Variants in DHX36 observed in about 807,000 individuals in gnomAD.
DHX36 encodes the protein DEAH-box helicase 36.
In DHX36, 50 loss-of-function variants were observed where a neutral mutation model predicts 139.0. The observed-to-expected ratio is 0.36, with a 90% CI of 0.29 to 0.46. DHX36 has a LOEUF of 0.46. DHX36 is among the 20% of genes least tolerant of loss of function. DHX36 has a pLI of 1.00. For missense variants in DHX36, 1,024 were observed against 1,211.3 expected, an observed-to-expected ratio of 0.85 and a Z score of 2.29; for synonymous variants, 425 against 401.9, an observed-to-expected ratio of 1.06 and a Z score of -0.69.
In DHX36 at chr3:154,300,574, GA is replaced by G. The variant is rs1712227871; in HGVS notation, c.1461+19del. The G allele has an allele frequency of 6.3e-7, 1 of 1,582,920 alleles. No homozygotes were observed. Among genetic ancestry groups the G allele is most frequent in the Non-Finnish European group, 8.6e-7 (1 of 1,156,088 alleles). On this transcript the variant is annotated intron_variant, in intron 11 of 24. Coordinates refer to ENST00000496811, the MANE Select transcript of DHX36 (RefSeq NM_020865.3). Reference sequence around the variant, plus strand: ...TAAAATTAAAATTATGTTAACTGAAGAAAGAAAAATAAAACTAACCTCTTCT... The same window carrying G: ...TAAAATTAAAATTATGTTAACTGAAGAAGAAAAATAAAACTAACCTCTTCT...
chr3:154,301,757 T>C (rs1249482767), intron 9 of DHX36, among the ~76,000 whole-genome samples: 1 of 152,178 alleles, frequency 6.6e-6, no homozygotes, highest in Non-Finnish European at 1.5e-5. Context: ...TAGTGATTGC[T>C]AAAACCATAG....
intron 4 of DHX36, among the ~76,000 whole-genome samples, chr3:154,311,234 G>C (rs1481046431): frequency 2.0e-5 from 3 of 152,084 alleles, no homozygotes; most frequent in Admixed American, 1.3e-4. Context: ...GTAATCATAT[G>C]TTAAGATATA....
At chr3:154,304,784 A>C (rs369601722) in intron 8 of DHX36, 22 bp downstream of exon 8, 60 of 1,493,888 alleles carry the variant, frequency 4.0e-5, no homozygotes, top group Non-Finnish European at 5.1e-5. Flanking sequence ...TTTCTAATGT[A>C]ATAACTATAC....
chr3:154,305,616 A>T (rs1417379384), intron 6 of DHX36, among the ~76,000 whole-genome samples: 1 of 152,098 alleles, frequency 6.6e-6, no homozygotes, highest in East Asian at 1.9e-4. Context: ...AAAGTAAAAA[A>T]ATTAGCCAGT....
chr3:154,300,288 G>A (rs988394299), intron 11 of DHX36, among the ~76,000 whole-genome samples: 7 of 152,060 alleles, frequency 4.6e-5, no homozygotes, highest in South Asian at 2.1e-4. Context: ...GGCTGGTCTC[G>A]AACTCCTGGC....
chr3:154,278,179 T>C (rs1719216786), intron 22 of DHX36, among the ~76,000 whole-genome samples: 1 of 152,118 alleles, frequency 6.6e-6, no homozygotes, highest in Admixed American at 6.6e-5. Context: ...ACTGTAAAAT[T>C]ATCAACTTAA....
In DHX36 at chr3:154,286,873, T is replaced by A. The variant is rs1047461182; in HGVS notation, c.2032-1886A>T. Among the ~76,000 whole-genome samples, 6 of 152,180 alleles carry A rather than the reference T, an allele frequency of 3.9e-5. No individual in the cohort carries two copies. The East Asian group carries it at 1.2e-3, about 29-fold the overall frequency. ...TTCTGTCATCTGGGTTGGAGTGCAGTGGTGCAAGCACAGCTCACTGTGTCC... is the reference window on the plus strand; with the variant it reads ...TTCTGTCATCTGGGTTGGAGTGCAGAGGTGCAAGCACAGCTCACTGTGTCC... On this transcript the variant is annotated intron_variant, in intron 17 of 24. Transcript: ENST00000496811.
At chr3:154,311,918 A>C (rs1712777113) in intron 3 of DHX36, 1 of 386,356 alleles carries the variant, frequency 2.6e-6, no homozygotes. Flanking sequence ...TGGCAGTAAA[A>C]TGAAATCGGA....
At chr3:154,301,728 T>C (rs1040846391) in intron 9 of DHX36, among the ~76,000 whole-genome samples, 7 of 152,214 alleles carry the variant, frequency 4.6e-5, no homozygotes, top group African/African-American at 1.7e-4. Flanking sequence ...TGCTGTACTA[T>C]GATTCTACTA....
At chr3:154,276,709 T>C (rs1559942592) in intron 24 of DHX36, 38 bp downstream of exon 24, 8 of 1,600,106 alleles carry the variant, frequency 5.0e-6, no homozygotes, top group Non-Finnish European at 6.8e-6. Flanking sequence ...CATGCTGACT[T>C]ACATGTAGAT....
Position 154,305,149 on chromosome 3 carries a change from C to G in DHX36, c.913G>C (p.Gly305Arg). 1 of 1,612,668 alleles carries G rather than the reference C, an allele frequency of 6.2e-7. No homozygotes were observed. The highest frequency in any genetic ancestry group is 1.1e-5 in the South Asian group (1 of 90,634). The change falls in exon 7 of 25, where the codon GGT becomes CGT. Residue 305 changes from glycine to arginine, a missense_variant. Transcript: ENST00000496811. Reference protein sequence around the residue: ...RLQSRLPRKQGSILYCTTGII... With the variant: ...RLQSRLPRKQRSILYCTTGII... ...CCTGTTGTACAGTATAAGATAGAAC[C>G]CTGTTTCCTTGGCAACCGACTGTGA...
rs184275693 is a variant in DHX36 at position 154,292,604 on chromosome 3, G to A, written c.1761C>T (p.Ser587=). The part of the protein sequence containing the change: ...FDTQNNISTM[S]AEWVSKANAK... ...CATTAGCTTTACTAACCCACTCAGC[G>A]GACATTGTACTGATATTGTTCTGAG... Residue 587 remains serine (S), a synonymous_variant, in exon 15 of 25, where the codon TCC becomes TCT. Coordinates refer to ENST00000496811, the MANE Select transcript of DHX36 (RefSeq NM_020865.3). 1.9e-5 allele frequency: 31 copies of A among 1,613,878 alleles called. No individual in the cohort carries two copies. Among genetic ancestry groups the A allele is most frequent in the South Asian group, 1.1e-4 (10 of 91,052 alleles).
chr3:154,278,513 G>A (rs1458108220), intron 22 of DHX36: 2 of 133,848 alleles, frequency 1.5e-5, no homozygotes, highest in African/African-American at 5.8e-5. Flanking sequence ...GTCTTGCTCT[G>A]TCACCCAGAC....
intron 13 of DHX36, among the ~76,000 whole-genome samples, 195 bp from the exon 14 acceptor site, chr3:154,294,007 A>C (rs1187512438): frequency 6.6e-6 from 1 of 152,218 alleles, no homozygotes; most frequent in Non-Finnish European, 1.5e-5. Context: ...TCTTTTGGTA[A>C]ACCACATTAA....
At chr3:154,324,145 A>T in intron 1 of DHX36, 29 bp downstream of exon 1, 1 of 1,588,376 alleles carries the variant, frequency 6.3e-7, no homozygotes, top group South Asian at 1.1e-5. Context: ...GTGCTGCCTC[A>T]TCCTCTCCAC....
chr3:154,276,926 T>C (rs917954517), intron 23 of DHX36, 27 bp from the exon 24 acceptor site: 4 of 1,594,164 alleles, frequency 2.5e-6, no homozygotes, highest in Non-Finnish European at 3.4e-6. Flanking sequence ...AGTGAATTAA[T>C]ACATTCAGGA....
chr3:154,286,671 C>T (rs1473051521), intron 17 of DHX36, among the ~76,000 whole-genome samples: 1 of 151,884 alleles, frequency 6.6e-6, no homozygotes, highest in African/African-American at 2.4e-5. Context: ...TTTGCTAAGA[C>T]TCAATACTGT....
chr3:154,292,379 T>C (rs1396284786), intron 15 of DHX36, among the ~76,000 whole-genome samples, 172 bp downstream of exon 15: 1 of 152,216 alleles, frequency 6.6e-6, no homozygotes, highest in African/African-American at 2.4e-5. Context: ...GCAGATACTT[T>C]TCCAAACAAA....
chr3:154,297,100 A>G (rs184203192), intron 12 of DHX36, among the ~76,000 whole-genome samples: 1 of 152,206 alleles, frequency 6.6e-6, no homozygotes. Flanking sequence ...ATGACTTTAC[A>G]TTACCATGAG....
Sources: allele counts gnomAD v4.1 joint callset (sites outside exome capture counted in the v4.1 genomes callset), GRCh38; gene constraint gnomAD v4.1.1; transcripts MANE v1.5; gene names NCBI Gene and HGNC (gene_info 2026-07-23, HGNC 2026-07-21).